Variants in CAMK4 observed in about 807,000 individuals in gnomAD.
The protein encoded by CAMK4 is calcium/calmodulin dependent protein kinase IV.
A neutral mutation model predicts 44.9 loss-of-function variants in CAMK4; 22 were observed. That is an observed-to-expected ratio of 0.49 (90% confidence interval 0.35 to 0.70). The LOEUF is 0.70. Among genes scored for constraint, CAMK4 ranks in the 30% least tolerant of loss-of-function variants. CAMK4 has a pLI of 0.01. For missense variants in CAMK4, 498 were observed against 586.8 expected (o/e 0.85, Z 1.56); for synonymous variants, 218 against 215.4 (o/e 1.01, Z -0.11).
chr5:111,258,740 CGTGTGTGTGTGTGTGTGTGTGTGTGT>C (rs201959904), intron 1 of CAMK4, among the ~76,000 whole-genome samples: 3 of 139,236 alleles, frequency 2.2e-5, no homozygotes, highest in Non-Finnish European at 3.1e-5. Flanking sequence ...GAGTTATCAG[CGTGTGTGTGTGTGTGTGTGTGTGTGT>C]GTGTGTGTGT....
intron 2 of CAMK4, among the ~76,000 whole-genome samples, chr5:111,371,810 C>G (rs549234724): frequency 6.6e-6 from 1 of 152,270 alleles, no homozygotes; most frequent in African/African-American, 2.4e-5. Flanking sequence ...CTATTCCAAC[C>G]ATTCATATTG....
At position 111,482,898 on chromosome 5, in the gene CAMK4, A is replaced by G. The variant is rs1273426786; in HGVS notation, c.942A>G (p.Gln314=). The G allele has an allele frequency of 1.2e-6, 2 of 1,612,350 alleles. No homozygotes were observed. The highest frequency in any genetic ancestry group is 4.5e-5 in the East Asian group (2 of 44,772). ...ATTTTGTACACATGGATACCGCTCAAAAGAAGCTCCAAGAATTCAATGCCC... is the reference window on the plus strand; with the variant it reads ...ATTTTGTACACATGGATACCGCTCAGAAGAAGCTCCAAGAATTCAATGCCC... ...AANFVHMDTA[Q]KKLQEFNARR... Residue 314 remains glutamine (Q), a synonymous_variant, in exon 10 of 11, where the codon CAA becomes CAG. Transcript: ENST00000282356. This position sits in a 1 kb window ranked among gnomAD's most constrained non-coding sequence, Gnocchi z 4.9.
intron 1 of CAMK4, among the ~76,000 whole-genome samples, chr5:111,291,357 TTCCTC>T (rs1224754216): frequency 6.6e-6 from 1 of 152,204 alleles, no homozygotes; most frequent in Non-Finnish European, 1.5e-5. Flanking sequence ...TTGATTTTCT[TTCCTC>T]TAATCATGGT....
At chr5:111,403,008 A>T (rs931416103) in intron 5 of CAMK4, among the ~76,000 whole-genome samples, 3 of 152,142 alleles carry the variant, frequency 2.0e-5, no homozygotes, top group Non-Finnish European at 4.4e-5. Context: ...TTTTTCAATA[A>T]ACTTTTTGAG....
At chr5:111,349,354 C>T (rs1749999178) in intron 2 of CAMK4, among the ~76,000 whole-genome samples, 1 of 151,922 alleles carries the variant, frequency 6.6e-6, no homozygotes, top group Non-Finnish European at 1.5e-5. Flanking sequence ...TGCATAAGCC[C>T]TTCAGTATAT....
intron 1 of CAMK4, among the ~76,000 whole-genome samples, chr5:111,292,479 G>T (rs909061796): frequency 6.6e-6 from 1 of 151,892 alleles, no homozygotes; most frequent in Non-Finnish European, 1.5e-5. Flanking sequence ...TATAAATGAG[G>T]ACACATACAG....
At chr5:111,249,790 T>C (rs1749410752) in intron 1 of CAMK4, among the ~76,000 whole-genome samples, 1 of 151,796 alleles carries the variant, frequency 6.6e-6, no homozygotes, top group South Asian at 2.1e-4. Context: ...ATATTCATTG[T>C]TGATTGCTTT....
chr5:111,389,129 A>G (rs750446278), intron 4 of CAMK4, among the ~76,000 whole-genome samples: 4 of 152,196 alleles, frequency 2.6e-5, no homozygotes, highest in Non-Finnish European at 5.9e-5. Context: ...AGCAGATTCA[A>G]TGCCTGCTGA....
At chr5:111,311,340 T>A (rs1748194577) in intron 1 of CAMK4, among the ~76,000 whole-genome samples, 2 of 152,360 alleles carry the variant, frequency 1.3e-5, no homozygotes, top group South Asian at 4.1e-4. Flanking sequence ...GAAGACTTGC[T>A]GAGAGAGAGT....
At chr5:111,309,091 A>C (rs1748087443) in intron 1 of CAMK4, among the ~76,000 whole-genome samples, 1 of 152,186 alleles carries the variant, frequency 6.6e-6, no homozygotes, top group Non-Finnish European at 1.5e-5. Context: ...AGTTCAAACA[A>C]ACAAAGCACA....
intron 5 of CAMK4, among the ~76,000 whole-genome samples, chr5:111,410,939 T>G (rs1247710636): frequency 6.6e-6 from 1 of 152,158 alleles, no homozygotes; most frequent in Non-Finnish European, 1.5e-5. Flanking sequence ...ATGGTGGTGT[T>G]GAAATTTCCA....
At chr5:111,289,977 AC>A (rs1751380600) in intron 1 of CAMK4, among the ~76,000 whole-genome samples, 1 of 152,236 alleles carries the variant, frequency 6.6e-6, no homozygotes, top group Admixed American at 6.5e-5. Context: ...CTCCCTGGGA[AC>A]CCAATATTCT....
chr5:111,246,475 A>C (rs1749245008), intron 1 of CAMK4, among the ~76,000 whole-genome samples: 1 of 152,220 alleles, frequency 6.6e-6, no homozygotes, highest in South Asian at 2.1e-4. Context: ...TAAAGTCCAG[A>C]ACTTTTTCAG....
chr5:111,294,617 A>G (rs1447727745), intron 1 of CAMK4, among the ~76,000 whole-genome samples: 3 of 152,134 alleles, frequency 2.0e-5, no homozygotes, highest in African/African-American at 7.2e-5. Context: ...TGTCTAAACT[A>G]TGAAGACACA....
chr5:111,427,521 T>C (rs1489708891), intron 5 of CAMK4, among the ~76,000 whole-genome samples: 3 of 152,290 alleles, frequency 2.0e-5, no homozygotes, highest in African/African-American at 7.2e-5. Context: ...GGGAGCCCAC[T>C]GCCATGAAGG....
chr5:111,415,591 G>C (rs1752787050), intron 5 of CAMK4, among the ~76,000 whole-genome samples: 2 of 152,122 alleles, frequency 1.3e-5, no homozygotes, highest in South Asian at 4.1e-4. Context: ...GCATATATAG[G>C]TTTCAGTATT....
At chr5:111,483,919 T>C in intron 10 of CAMK4, 107 bp from the exon 11 acceptor site, 1 of 820,904 alleles carries the variant, frequency 1.2e-6, no homozygotes, top group Non-Finnish European at 1.8e-6. Context: ...TTGAAAACTT[T>C]AACGCTAACC....
At chr5:111,288,536 T>C (rs1475148141) in intron 1 of CAMK4, among the ~76,000 whole-genome samples, 1 of 152,236 alleles carries the variant, frequency 6.6e-6, no homozygotes, top group Non-Finnish European at 1.5e-5. Context: ...TTGGGCACTG[T>C]TTCACATTTA....
chr5:111,317,400 C>T (rs1343551426), intron 1 of CAMK4, among the ~76,000 whole-genome samples: 1 of 152,002 alleles, frequency 6.6e-6, no homozygotes, highest in East Asian at 1.9e-4. Context: ...CACGGTAAAG[C>T]CTATGTTTTA....
Sources: allele counts gnomAD v4.1 joint callset (sites outside exome capture counted in the v4.1 genomes callset), GRCh38; gene constraint gnomAD v4.1.1; non-coding constraint Gnocchi (gnomAD v3.1); transcripts MANE v1.5; gene names NCBI Gene and HGNC (gene_info 2026-07-23, HGNC 2026-07-21).